DTWD2: variants seen among roughly 807,000 people sequenced by gnomAD.
The protein encoded by DTWD2 is DTW motif tRNA-uridine aminocarboxypropyltransferase 2.
Under a neutral mutation model 31.8 loss-of-function variants are expected in DTWD2, and 39 were observed. That is an observed-to-expected ratio of 1.22 (90% CI 0.95 to 1.60). The LOEUF (loss-of-function observed/expected upper bound fraction) is 1.60. Ranked by LOEUF, DTWD2 falls within the 40% of genes most tolerant of loss-of-function variation. The pLI is 0.00. For synonymous variants in DTWD2, 180 were observed against 142.8 expected (o/e 1.26, Z -1.86); for missense variants, 515 against 381.5 (o/e 1.35, Z -2.92).
chr5:118,933,878 CTAAATAAATAAA>C (rs202062539), intron 3 of DTWD2, among the ~76,000 whole-genome samples: 4,605 of 145,394 alleles, frequency 0.032, 212 homozygotes, highest in African/African-American at 0.11. Flanking sequence ...GGGAACTGAC[CTAAATAAATAAA>C]TAAATAAATA....
chr5:118,950,151 A>G lies in DTWD2; in HGVS notation c.219-5502T>C, dbSNP rs1403071521. Among the ~76,000 whole-genome samples the G allele has an allele frequency of 5.2e-5, 5 of 96,158 alleles. No individual in the cohort carries two copies. The South Asian group carries it at 8.8e-4, about 17-fold the overall frequency. The allele number at this position is 96,158 out of a possible 152,430, so 63.1% of individuals were successfully genotyped here. ...TGTGAACCCAGGAGACGGAGCTTGT[A>G]TTATTGAGCCGAGATCACGCCACTG... On this transcript the variant is annotated intron_variant, in intron 1 of 5. Transcript: ENST00000510708.
intron 1 of DTWD2, among the ~76,000 whole-genome samples, chr5:118,950,213 CAAAAAAAAAAA>C (rs764214153): frequency 4.0e-5 from 2 of 49,606 alleles, no homozygotes; most frequent in Admixed American, 2.6e-4. Flanking sequence ...ACTCCATCTC[CAAAAAAAAAAA>C]AAAAAAAAAA....
intron 1 of DTWD2, among the ~76,000 whole-genome samples, chr5:118,965,479 CA>C (rs1333327601): frequency 6.6e-6 from 1 of 151,994 alleles, no homozygotes; most frequent in African/African-American, 2.4e-5. Context: ...TTGTCGAATA[CA>C]AAAGGGGGAA....
chr5:118,845,850 T>G (rs114539454), intron 5 of DTWD2, among the ~76,000 whole-genome samples: 2,568 of 152,322 alleles, frequency 0.017, 82 homozygotes, highest in African/African-American at 0.057. Context: ...GATTCCTTTT[T>G]TTTGTTTGTT....
chr5:118,846,797 A>T (rs952495559), intron 5 of DTWD2, among the ~76,000 whole-genome samples: 2 of 152,082 alleles, frequency 1.3e-5, no homozygotes, highest in African/African-American at 4.8e-5. Flanking sequence ...GGAGATGGAA[A>T]GGTGTCTGAG....
intron 5 of DTWD2, among the ~76,000 whole-genome samples, chr5:118,842,840 G>A (rs1481392556): frequency 2.0e-5 from 3 of 151,874 alleles, no homozygotes; most frequent in South Asian, 2.1e-4. Context: ...CCAGCTACTC[G>A]GGAGGCTGAG....
At position 118,988,300 on chromosome 5, in the gene DTWD2, C is replaced by T. The variant is rs556935759; in HGVS notation, c.212G>A (p.Arg71His). Reference sequence around the variant, plus strand: ...CCCCCAGCCCCGCGGTCACCTGCAGCGGGTGCACTCAGGCCTCCGCTCGGC... The same window carrying T: ...CCCCCAGCCCCGCGGTCACCTGCAGTGGGTGCACTCAGGCCTCCGCTCGGC... ...EPAERRPECTRCSRPQKVCLC... is the reference protein window; with the variant it reads ...EPAERRPECTHCSRPQKVCLC... Residue 71 changes from arginine (R) to histidine (H), a missense_variant, in exon 1 of 6, where the codon CGC (arginine) becomes CAC (histidine). Transcript: ENST00000510708. 3.9e-6 allele frequency: 6 copies of T among 1,522,746 alleles called. No homozygotes were observed. The highest frequency in any genetic ancestry group is 1.4e-5 in the African/African-American group (1 of 71,812). 94.3% of individuals were successfully genotyped at this position (1,522,746 alleles called of 1,614,324 possible). A position where few individuals can be genotyped will look rare whatever the true frequency, so the allele number is the denominator to read the frequency against.
intron 1 of DTWD2, among the ~76,000 whole-genome samples, chr5:118,981,451 C>T (rs1755298435): frequency 6.6e-6 from 1 of 152,146 alleles, no homozygotes; most frequent in Non-Finnish European, 1.5e-5. Context: ...AATTTCTCTA[C>T]CCTTTGCAAG....
intron 3 of DTWD2, among the ~76,000 whole-genome samples, chr5:118,938,808 C>CA (rs373505051): frequency 7.9e-3 from 219 of 27,720 alleles, no homozygotes; most frequent in South Asian, 0.024. Context: ...AGAACCCTAC[C>CA]AAAAAAAAAA....
At chr5:118,929,171 C>A (rs17144824) in intron 3 of DTWD2, among the ~76,000 whole-genome samples, 37,058 of 152,190 alleles carry the variant, frequency 0.24, 8,023 homozygotes, top group African/African-American at 0.59. Flanking sequence ...AAGAGAAGTT[C>A]GGTTGCATAG....
chr5:118,933,796 T>C (rs1284189831), intron 3 of DTWD2, among the ~76,000 whole-genome samples: 1 of 151,422 alleles, frequency 6.6e-6, no homozygotes, highest in Non-Finnish European at 1.5e-5. Flanking sequence ...ACCAAAGATA[T>C]ACAAACTAGA....
intron 4 of DTWD2, among the ~76,000 whole-genome samples, chr5:118,911,749 T>C (rs1400725581): frequency 3.3e-5 from 5 of 152,240 alleles, no homozygotes; most frequent in African/African-American, 7.2e-5. Context: ...TGGATGAAAC[T>C]GGAGAACAAC....
intron 4 of DTWD2, among the ~76,000 whole-genome samples, chr5:118,882,830 G>C (rs1017944454): frequency 6.6e-6 from 1 of 152,198 alleles, no homozygotes; most frequent in Non-Finnish European, 1.5e-5. Context: ...CCATTCATAG[G>C]AAAGTCTGCC....
chr5:118,846,757 A>G (rs1445870473), intron 5 of DTWD2, among the ~76,000 whole-genome samples: 3 of 152,182 alleles, frequency 2.0e-5, no homozygotes, highest in Non-Finnish European at 4.4e-5. Context: ...GTTTATGGCT[A>G]GGGACATGGG....
chr5:118,969,167 C>T (rs1754923671), intron 1 of DTWD2, among the ~76,000 whole-genome samples: 1 of 152,134 alleles, frequency 6.6e-6, no homozygotes, highest in African/African-American at 2.4e-5. Flanking sequence ...CTGATCACTC[C>T]CTGGGACTGA....
intron 1 of DTWD2, among the ~76,000 whole-genome samples, chr5:118,954,429 G>A (rs1055685376): frequency 6.6e-6 from 1 of 152,188 alleles, no homozygotes; most frequent in African/African-American, 2.4e-5. Context: ...GCTACAGGGA[G>A]GCAAGGACTT....
Position 118,838,149 on chromosome 5 carries a change from C to T in DTWD2, c.*2768G>A, listed in dbSNP as rs1236671505. The T allele has an allele frequency of 6.6e-6, 1 of 152,142 alleles. No individual in the cohort carries two copies. The highest frequency in any genetic ancestry group is 6.5e-5 in the Admixed American group (1 of 15,278). 9.4% of individuals were successfully genotyped at this position (152,142 alleles called of 1,614,324 possible). A position where few individuals can be genotyped will look rare whatever the true frequency, so the allele number is the denominator to read the frequency against. ...ACTTACTACTTTGTATAATCTAGTT[C>T]TCAACCTTTTACACTCATGTGTGCA... On this transcript the variant is annotated 3_prime_UTR_variant, in exon 6 of 6. Coordinates refer to ENST00000510708, the MANE Select transcript of DTWD2 (RefSeq NM_173666.4).
rs189824830 is a variant in DTWD2, at chr5:118,949,637, T to C, written c.219-4988A>G. 4.3e-3 allele frequency among the ~76,000 whole-genome samples: 654 copies of C among 152,256 alleles called. 5 individuals carry two copies. Among genetic ancestry groups the C allele is most frequent in the Non-Finnish European group, 7.0e-3 (478 of 68,018 alleles). ...TTAAAGCATGCGGTGGGATGGGATA[T>C]TGGCATTGAGTGGGGTAAGGGTGAT... On this transcript the variant is annotated intron_variant, in intron 1 of 5. Coordinates refer to ENST00000510708, the MANE Select transcript of DTWD2 (RefSeq NM_173666.4).
At chr5:118,966,388 T>C (rs1754850316) in intron 1 of DTWD2, among the ~76,000 whole-genome samples, 1 of 152,194 alleles carries the variant, frequency 6.6e-6, no homozygotes, top group Admixed American at 6.5e-5. Flanking sequence ...AAGTGTGACT[T>C]TTTCTTCTGA....
Sources: gnomAD v4.1 joint callset for allele counts (sites outside exome capture counted in the v4.1 genomes callset) on GRCh38, gnomAD v4.1.1 for gene constraint, MANE v1.5 for transcripts, NCBI Gene and HGNC (gene_info 2026-07-23, HGNC 2026-07-21) for gene names.